RBFOX1: variants seen among roughly 807,000 people sequenced by gnomAD.
RBFOX1 encodes RNA binding fox-1 homolog 1.
A neutral mutation model predicts 57.7 loss-of-function variants in RBFOX1; 8 were observed. The ratio of observed to expected loss-of-function variants is 0.14; its 90% CI spans 0.08 to 0.25. RBFOX1 has a LOEUF of 0.25. RBFOX1 is among the 10% of genes least tolerant of loss of function. RBFOX1 has a pLI of 1.00. For missense variants in RBFOX1, 611 were observed against 548.5 expected, an observed-to-expected ratio of 1.11 and a Z score of -1.14; for synonymous variants, 326 against 222.4, an observed-to-expected ratio of 1.47 and a Z score of -4.15.
At chr16:7,495,650 CA>C (rs908945369) in intron 4 of RBFOX1, among the ~76,000 whole-genome samples, 2 of 151,994 alleles carry the variant, frequency 1.3e-5, no homozygotes, top group Non-Finnish European at 2.9e-5. Context: ...GACCTTTGTC[CA>C]TTTTTTTGCA....
chr16:5,893,027 C>T (rs1044782199), intron 4 of RBFOX1, among the ~76,000 whole-genome samples: 6 of 152,178 alleles, frequency 3.9e-5, no homozygotes, highest in African/African-American at 1.4e-4. Context: ...TAATGGGGAA[C>T]CTGAAGCTTT....
At chr16:5,666,306 T>C (rs983780335) in intron 3 of RBFOX1, among the ~76,000 whole-genome samples, 2 of 152,214 alleles carry the variant, frequency 1.3e-5, no homozygotes, top group African/African-American at 4.8e-5. Context: ...CTTCTTTTCT[T>C]CAACATTGGT....
At chr16:7,645,477 A>C (rs1286902124) in intron 11 of RBFOX1, among the ~76,000 whole-genome samples, 1 of 152,192 alleles carries the variant, frequency 6.6e-6, no homozygotes, top group African/African-American at 2.4e-5. Flanking sequence ...TAATATTTTT[A>C]TCGACACTTT....
At chr16:7,230,545 A>G (rs778880283) in intron 4 of RBFOX1, among the ~76,000 whole-genome samples, 2 of 152,156 alleles carry the variant, frequency 1.3e-5, no homozygotes, top group Non-Finnish European at 2.9e-5. Context: ...CAGCCTCCCC[A>G]GTCAATGAAG....
rs1453379011 is a variant in RBFOX1 at position 6,339,653 on chromosome 16, TA to T, written c.-64+22597del. Among the ~76,000 whole-genome samples, 40 of 26,064 alleles carry T rather than the reference TA, an allele frequency of 1.5e-3. No homozygotes were observed. In the African/African-American group the frequency reaches 0.047, roughly 31 times the overall value. The allele number at this position is 26,064 out of a possible 152,430, so 17.1% of individuals were successfully genotyped here. On this transcript the variant is annotated intron_variant, in intron 2 of 15. Coordinates refer to ENST00000550418, the MANE Select transcript of RBFOX1 (RefSeq NM_018723.4). ...CATCTTAAGCGATTCCTTTATTTTT[TA>T]TTTTATTTTATTTTATTTTATTTTA... is the stretch of plus-strand genomic sequence containing the variant.
intron 2 of RBFOX1, among the ~76,000 whole-genome samples, chr16:6,427,162 C>G (rs1173081413): frequency 6.6e-6 from 1 of 152,136 alleles, no homozygotes; most frequent in East Asian, 1.9e-4. Context: ...TATAGTATTT[C>G]CATATTAAAT....
At chr16:7,015,994 T>G (rs1353229873) in intron 3 of RBFOX1, among the ~76,000 whole-genome samples, 9 of 152,156 alleles carry the variant, frequency 5.9e-5, no homozygotes, top group Admixed American at 5.9e-4. Flanking sequence ...CAGTAGTTAT[T>G]GCTGTGTGGT....
chr16:7,307,025 T>C (rs2096205728), intron 4 of RBFOX1, among the ~76,000 whole-genome samples: 1 of 152,218 alleles, frequency 6.6e-6, no homozygotes, highest in African/African-American at 2.4e-5. Context: ...GCAACATTTA[T>C]GATAAGTAAC....
chr16:6,974,634 T>C (rs946296884), intron 3 of RBFOX1, among the ~76,000 whole-genome samples: 1 of 152,068 alleles, frequency 6.6e-6, no homozygotes, highest in African/African-American at 2.4e-5. Flanking sequence ...CGTGAGTCAC[T>C]GCACCTGGCC....
chr16:6,710,441 C>T (rs1433639081), intron 3 of RBFOX1, among the ~76,000 whole-genome samples: 2 of 152,074 alleles, frequency 1.3e-5, no homozygotes, highest in Non-Finnish European at 2.9e-5. Flanking sequence ...TTTTTTTCAT[C>T]CTAATTTTTT....
chr16:7,136,820 A>C (rs1454220790), intron 4 of RBFOX1, among the ~76,000 whole-genome samples: 1 of 152,210 alleles, frequency 6.6e-6, no homozygotes, highest in Non-Finnish European at 1.5e-5. Flanking sequence ...ATGGCAACAA[A>C]AATCTCTGTA....
intron 10 of RBFOX1, among the ~76,000 whole-genome samples, chr16:7,611,010 G>T (rs2057368736): frequency 6.6e-6 from 1 of 152,126 alleles, no homozygotes; most frequent in Admixed American, 6.5e-5. Context: ...TAGTAGGCTG[G>T]CTCTGTATCT....
rs561303507 is a variant in RBFOX1 at position 5,530,681 on chromosome 16, C to T, written c.258+63427C>T. On this transcript the variant is annotated intron_variant, in intron 2 of 2. Coordinates refer to the RBFOX1 transcript ENST00000585867. ...GAGACCAGCAGCAGCCACCTCTTCCCAACCCATTCCCAGGTGAGACTACCA... is the reference window on the plus strand; with the variant it reads ...GAGACCAGCAGCAGCCACCTCTTCCTAACCCATTCCCAGGTGAGACTACCA... 7.2e-5 allele frequency among the ~76,000 whole-genome samples: 11 copies of T among 152,278 alleles called. No homozygotes were observed. In the South Asian group the frequency reaches 2.3e-3, roughly 32 times the overall value.
intron 3 of RBFOX1, among the ~76,000 whole-genome samples, chr16:6,996,298 T>G (rs2092234376): frequency 6.6e-6 from 1 of 152,190 alleles, no homozygotes; most frequent in African/African-American, 2.4e-5. Context: ...AGAATAACAC[T>G]GAACTAGTAC....
chr16:5,979,427 C>CATTG (rs755879493), intron 4 of RBFOX1, among the ~76,000 whole-genome samples: 3 of 152,172 alleles, frequency 2.0e-5, no homozygotes, highest in Non-Finnish European at 4.4e-5. Context: ...AACATTCATT[C>CATTG]AATGTGATTA....
At chr16:5,730,962 G>A (rs112709769) in intron 3 of RBFOX1, among the ~76,000 whole-genome samples, 2,595 of 146,002 alleles carry the variant, frequency 0.018, 77 homozygotes, top group African/African-American at 0.06. Context: ...TATCACCACC[G>A]TCATCATCGT....
chr16:6,268,186 G>C (rs1478271532), intron 1 of RBFOX1, among the ~76,000 whole-genome samples: 1 of 152,128 alleles, frequency 6.6e-6, no homozygotes, highest in African/African-American at 2.4e-5. Flanking sequence ...TATGCCTTTT[G>C]TGACAGTTTC....
At chr16:6,654,777 A>C in intron 3 of RBFOX1, 127 bp downstream of exon 3, 1 of 626,632 alleles carries the variant, frequency 1.6e-6, no homozygotes. Flanking sequence ...TGACATATTT[A>C]AAGACAATCA....
intron 3 of RBFOX1, among the ~76,000 whole-genome samples, chr16:6,899,027 G>T (rs2067747452): frequency 7.2e-6 from 1 of 139,724 alleles, no homozygotes; most frequent in Non-Finnish European, 1.5e-5. Context: ...CTCTGTGTGT[G>T]TGTATAATGT....
Sources: gnomAD v4.1 joint callset for allele counts (sites outside exome capture counted in the v4.1 genomes callset) on GRCh38, gnomAD v4.1.1 for gene constraint, MANE v1.5 for transcripts, NCBI Gene and HGNC (gene_info 2026-07-23, HGNC 2026-07-21) for gene names.